Variants in PRKCA observed in about 807,000 individuals in gnomAD.
PRKCA encodes the protein protein kinase C alpha type.
PRKCA carries 27 observed loss-of-function variants against 87.0 expected under a neutral mutation model. The ratio of observed to expected loss-of-function variants is 0.31; its 90% CI spans 0.23 to 0.43. The LOEUF is 0.43. Ranked by LOEUF, PRKCA falls within the 20% of genes least tolerant of loss-of-function variation. The probability of loss-of-function intolerance (pLI) is 1.00; values close to 1 mark genes in which losing one functional copy is unlikely to be tolerated. For missense variants in PRKCA, 518 were observed against 852.3 expected (o/e 0.61, Z 4.88); for synonymous variants, 329 against 311.1 (o/e 1.06, Z -0.61).
rs948827377 is a variant in PRKCA, at chr17:66,689,933, C to T, written c.918+886C>T. Among the ~76,000 whole-genome samples, 6 of 152,186 alleles carry T rather than the reference C, an allele frequency of 3.9e-5. No homozygotes were observed. Among genetic ancestry groups the T allele is most frequent in the African/African-American group, 1.4e-4 (6 of 41,436 alleles). On this transcript the variant is annotated intron_variant, in intron 8 of 16. Coordinates refer to ENST00000413366, the MANE Select transcript of PRKCA (RefSeq NM_002737.3). The surrounding 1 kb of genome is among the most constrained non-coding windows in gnomAD (Gnocchi z 4.1). ...GGAATTTCCCCGCTCTAGAGCAGTA[C>T]ACGTGCACACGCACACATGTGTGTA...
intron 3 of PRKCA, among the ~76,000 whole-genome samples, chr17:66,516,661 G>C (rs1966980453): frequency 6.6e-6 from 1 of 152,044 alleles, no homozygotes; most frequent in Non-Finnish European, 1.5e-5. Flanking sequence ...TGCAGGACTT[G>C]ATATGAGAGC....
chr17:66,798,434 A>ATGG (rs1975735354), intron 16 of PRKCA, among the ~76,000 whole-genome samples: 4 of 19,622 alleles, frequency 2.0e-4, no homozygotes, highest in African/African-American at 7.2e-4. Flanking sequence ...GGTGGTGGTG[A>ATGG]CGGTGGTGGT....
intron 5 of PRKCA, among the ~76,000 whole-genome samples, chr17:66,656,876 G>C (rs1436514937): frequency 1.3e-5 from 2 of 152,148 alleles, no homozygotes; most frequent in Non-Finnish European, 2.9e-5. Flanking sequence ...ATAGGCAGGT[G>C]CTGTCCTATG....
At chr17:66,577,888 A>G (rs1224422186) in intron 3 of PRKCA, among the ~76,000 whole-genome samples, 1 of 151,766 alleles carries the variant, frequency 6.6e-6, no homozygotes. Flanking sequence ...GATGCTGCAT[A>G]AGTCATCGTT....
intron 14 of PRKCA, among the ~76,000 whole-genome samples, chr17:66,783,068 G>A (rs1267436988): frequency 6.6e-6 from 1 of 152,186 alleles, no homozygotes; most frequent in Non-Finnish European, 1.5e-5. Flanking sequence ...GGTGAAAAAC[G>A]TGAGGAGCAG....
intron 3 of PRKCA, among the ~76,000 whole-genome samples, chr17:66,540,498 C>T (rs1967948857): frequency 6.6e-6 from 1 of 152,152 alleles, no homozygotes; most frequent in Non-Finnish European, 1.5e-5. Flanking sequence ...ATAAATAGCC[C>T]AGAGCAGTCA....
Position 66,434,978 on chromosome 17 carries a change from A to T in PRKCA, c.206-61223A>T, listed in dbSNP as rs115585670. On this transcript the variant is annotated intron_variant, in intron 2 of 16. Coordinates refer to ENST00000413366, the MANE Select transcript of PRKCA (RefSeq NM_002737.3). ...ATATTTACATTAGTCTTGTTTCTCA[A>T]ACTTGACTCTTTGGTTTGATCGACA... Among the ~76,000 whole-genome samples, 1,348 of 152,280 alleles carry T rather than the reference A, an allele frequency of 8.9e-3. 20 individuals are homozygous for T. Among genetic ancestry groups the T allele is most frequent in the African/African-American group, 0.031 (1,285 of 41,562 alleles).
chr17:66,772,236 A>G (rs933333112), intron 13 of PRKCA, among the ~76,000 whole-genome samples: 3 of 152,198 alleles, frequency 2.0e-5, no homozygotes, highest in Non-Finnish European at 4.4e-5. Context: ...TCAGAAAAGA[A>G]TGTGCAGAAC....
At chr17:66,319,935 G>C (rs572729886) in intron 2 of PRKCA, among the ~76,000 whole-genome samples, 2 of 152,088 alleles carry the variant, frequency 1.3e-5, no homozygotes, top group African/African-American at 4.8e-5. Flanking sequence ...GTAGAGACAG[G>C]GTTTCGCCAT....
chr17:66,387,880 C>A (rs559866462), intron 2 of PRKCA, among the ~76,000 whole-genome samples: 112 of 152,232 alleles, frequency 7.4e-4, no homozygotes, highest in Non-Finnish European at 1.4e-3. Context: ...CTACCCACCT[C>A]ACCTTGGAGT....
chr17:66,489,352 CATATATATATATATATAT>C (rs10529618), intron 2 of PRKCA, among the ~76,000 whole-genome samples: 3,153 of 98,974 alleles, frequency 0.032, 171 homozygotes, highest in African/African-American at 0.11. Flanking sequence ...CTTAGCAGTG[CATATATATATATATATAT>C]ATATATATAT....
At chr17:66,748,724 A>T (rs535953326) in intron 13 of PRKCA, among the ~76,000 whole-genome samples, 1 of 152,292 alleles carries the variant, frequency 6.6e-6, no homozygotes, top group South Asian at 2.1e-4. Flanking sequence ...GGAAGGAAAG[A>T]AAGTGGACAG....
At chr17:66,374,990 C>T (rs775806942) in intron 2 of PRKCA, among the ~76,000 whole-genome samples, 1 of 152,080 alleles carries the variant, frequency 6.6e-6, no homozygotes, top group Non-Finnish European at 1.5e-5. Context: ...GCCTTGGCCT[C>T]TCGAAGTGCT....
chr17:66,593,326 T>A lies in PRKCA; in HGVS notation c.289-48029T>A, dbSNP rs554166869. Reference sequence around the variant, plus strand: ...CTGATGCTCTGTTGTTTTTCCTGAGTGCTTTCCTGGTTTGCTTGGTGGAAG... The same window carrying A: ...CTGATGCTCTGTTGTTTTTCCTGAGAGCTTTCCTGGTTTGCTTGGTGGAAG... On this transcript the variant is annotated intron_variant, in intron 3 of 16. Coordinates refer to ENST00000413366, the MANE Select transcript of PRKCA (RefSeq NM_002737.3). Among the ~76,000 whole-genome samples the A allele has an allele frequency of 1.6e-4, 24 of 152,144 alleles. 1 individual carries two copies. The highest frequency in any genetic ancestry group is 7.9e-4 in the Admixed American group (12 of 15,276).
At chr17:66,620,124 G>T (rs891499593) in intron 3 of PRKCA, among the ~76,000 whole-genome samples, 1 of 152,170 alleles carries the variant, frequency 6.6e-6, no homozygotes, top group African/African-American at 2.4e-5. Context: ...CTTCCTCAAG[G>T]AGCTGTGTTA....
chr17:66,320,250 C>CCACTTAAG (rs1232918816), intron 2 of PRKCA, among the ~76,000 whole-genome samples: 3 of 152,234 alleles, frequency 2.0e-5, no homozygotes, highest in South Asian at 2.1e-4. Context: ...CAGAGAGTGG[C>CCACTTAAG]CACTTAAGTC....
chr17:66,510,624 T>G (rs1917183367), intron 3 of PRKCA, among the ~76,000 whole-genome samples: 1 of 152,218 alleles, frequency 6.6e-6, no homozygotes, highest in Non-Finnish European at 1.5e-5. Context: ...CTGGGTATAT[T>G]CCTGACTTTA....
chr17:66,401,069 T>C (rs1332496454), intron 2 of PRKCA, among the ~76,000 whole-genome samples: 2 of 152,212 alleles, frequency 1.3e-5, no homozygotes, highest in African/African-American at 4.8e-5. Flanking sequence ...TAATGAGTCC[T>C]ACTGTGTGGC....
intron 2 of PRKCA, among the ~76,000 whole-genome samples, chr17:66,427,799 G>A (rs1210151961): frequency 5.3e-5 from 8 of 152,128 alleles, no homozygotes; most frequent in Admixed American, 5.2e-4. Context: ...GGGAATGAGT[G>A]GGAAGATCAA....
Sources: allele counts gnomAD v4.1 joint callset (sites outside exome capture counted in the v4.1 genomes callset), GRCh38; gene constraint gnomAD v4.1.1; non-coding constraint Gnocchi (gnomAD v3.1); transcripts MANE v1.5; gene names NCBI Gene and HGNC (gene_info 2026-07-23, HGNC 2026-07-21).